Variants in PSMC4 observed in about 807,000 individuals in gnomAD.
PSMC4 encodes the protein 26S proteasome regulatory subunit 6B.
PSMC4 carries 13 observed loss-of-function variants against 48.4 expected under a neutral mutation model. The observed-to-expected ratio is 0.27, with a 90% CI of 0.18 to 0.43. PSMC4 has a LOEUF of 0.43. Among genes scored for constraint, PSMC4 ranks in the 20% least tolerant of loss-of-function variants. PSMC4 has a pLI of 1.00. For synonymous variants in PSMC4, 202 were observed against 212.3 expected (o/e 0.95, Z 0.42); for missense variants, 262 against 555.9 (o/e 0.47, Z 5.32).
At chr19:39,973,415 C>G (rs1475246576) in intron 3 of PSMC4, among the ~76,000 whole-genome samples, 1 of 152,006 alleles carries the variant, frequency 6.6e-6, no homozygotes, top group African/African-American at 2.4e-5. Flanking sequence ...AAAACCCCGT[C>G]TCTACTGAAA....
chr19:39,980,616 G>A lies in PSMC4; in HGVS notation c.1088-46G>A. 1.2e-6 allele frequency: 2 copies of A among 1,607,528 alleles called. No homozygotes were observed. Among genetic ancestry groups the A allele is most frequent in the Non-Finnish European group, 1.7e-6 (2 of 1,174,180 alleles). ...GGCCAAAGATGACTTCCAGCCCCAG[G>A]CATTTACCCCATCACACAGGGAATA... On this transcript the variant is annotated intron_variant, in intron 9 of 10. Transcript: ENST00000157812. This position sits in a 1 kb window ranked among gnomAD's most constrained non-coding sequence, Gnocchi z 4.8.
At chr19:39,972,679 C>A in intron 3 of PSMC4, 124 bp downstream of exon 3, 2 of 679,446 alleles carry the variant, frequency 2.9e-6, no homozygotes, top group Non-Finnish European at 4.7e-6. Flanking sequence ...TTTGACTGAT[C>A]GAAAGGTAGA....
Position 39,974,700 on chromosome 19 carries a change from T to C in PSMC4, c.580-35T>C, listed in dbSNP as rs1971170332. 1 of 1,610,724 alleles carries C rather than the reference T, an allele frequency of 6.2e-7. No homozygotes were observed. Among genetic ancestry groups the C allele is most frequent in the Admixed American group, 1.7e-5 (1 of 59,984 alleles). ...GGTCTGGGGTTGGAGGTGGAACCCC[T>C]GACTCCCACTTCTCTTCCTTCCTCT... On this transcript the variant is annotated intron_variant, in intron 5 of 10. Transcript: ENST00000157812. This position sits in a 1 kb window ranked among gnomAD's most constrained non-coding sequence, Gnocchi z 5.5.
chr19:39,981,384 T>C lies in PSMC4; in HGVS notation c.*79T>C, dbSNP rs1397129317. On this transcript the variant is annotated 3_prime_UTR_variant, in exon 11 of 11. Transcript: ENST00000157812. ...CCAGCACCTCTGTCCCAAAACCTCA[T>C]TCCCTTTTTTCTTTACCCAGGATTG... 2.1e-6 allele frequency: 2 copies of C among 962,346 alleles called. No individual in the cohort carries two copies. Among genetic ancestry groups the C allele is most frequent in the African/African-American group, 3.2e-5 (2 of 61,688 alleles). 59.6% of individuals were successfully genotyped at this position (962,346 alleles called of 1,614,324 possible).
At position 39,974,698 on chromosome 19, in the gene PSMC4, C is replaced by A. The variant is rs1568375128; in HGVS notation, c.580-37C>A. 1 of 1,612,804 alleles carries A rather than the reference C, an allele frequency of 6.2e-7. No homozygotes were observed. Among genetic ancestry groups the A allele is most frequent in the Non-Finnish European group, 8.5e-7 (1 of 1,178,894 alleles). On this transcript the variant is annotated intron_variant, in intron 5 of 10. Coordinates refer to ENST00000157812, the MANE Select transcript of PSMC4 (RefSeq NM_006503.4). This position sits in a 1 kb window ranked among gnomAD's most constrained non-coding sequence, Gnocchi z 5.5. ...TGGGTCTGGGGTTGGAGGTGGAACC[C>A]CTGACTCCCACTTCTCTTCCTTCCT...
rs761734495 is a variant in PSMC4, at chr19:39,972,217, C to T, written c.108C>T (p.Asp36=). 98 of 1,613,972 alleles carry T rather than the reference C, an allele frequency of 6.1e-5. No individual in the cohort carries two copies. Among genetic ancestry groups the T allele is most frequent in the Non-Finnish European group, 8.2e-5 (97 of 1,180,036 alleles). ...CCTTCCTGGGCCCTGAGCCTGAGGA[C>T]CTGGAGGACCTGTACAGCCGCTACA... ...GLSFLGPEPE[D]LEDLYSRYKK... is the part of the protein sequence containing the mutation. Residue 36 remains aspartate (D), a synonymous_variant, in exon 2 of 11, where the codon GAC becomes GAT. Transcript: ENST00000157812.
At position 39,980,011 on chromosome 19, in the gene PSMC4, G is replaced by A. The variant is rs759162059; in HGVS notation, c.841+27G>A. Reference sequence around the variant, plus strand: ...TAAGTGATGCTGAAACAAGGCCCGGGGTCTTGGACAGGCTTGTCGCATGGG... The same window carrying A: ...TAAGTGATGCTGAAACAAGGCCCGGAGTCTTGGACAGGCTTGTCGCATGGG... On this transcript the variant is annotated intron_variant, in intron 7 of 10. Coordinates refer to ENST00000157812, the MANE Select transcript of PSMC4 (RefSeq NM_006503.4). This position sits in a 1 kb window ranked among gnomAD's most constrained non-coding sequence, Gnocchi z 4.8. 1.2e-6 allele frequency: 2 copies of A among 1,613,840 alleles called. No homozygotes were observed. Among genetic ancestry groups the A allele is most frequent in the African/African-American group, 2.7e-5 (2 of 74,874 alleles).
At position 39,979,885 on chromosome 19, in the gene PSMC4, C is replaced by G; in HGVS notation, c.742C>G (p.Arg248Gly). 6.2e-7 allele frequency: 1 copy of G among 1,614,024 alleles called. No individual in the cohort carries two copies. The highest frequency in any genetic ancestry group is 8.5e-7 in the Non-Finnish European group (1 of 1,179,994). Residue 248 changes from arginine to glycine, a missense_variant, in exon 7 of 11, where the codon CGG becomes GGG. Arg to Gly is a moderately radical substitution (Grantham distance 125). This residue lies in a region of PSMC4 where 14 missense variants were observed against 86.0 expected (regional missense o/e 0.16). Transcript: ENST00000157812. The stretch of plus-strand genomic sequence containing the variant: ...TCTGGGTGAGGGCCCCCGCATGGTC[C>G]GGGATGTGTTCCGCCTGGCCAAGGA... ...KYLGEGPRMV[R>G]DVFRLAKENA...
At chr19:39,973,581 TAAA>T (rs11320252) in intron 3 of PSMC4, among the ~76,000 whole-genome samples, 30 of 96,952 alleles carry the variant, frequency 3.1e-4, no homozygotes, top group Admixed American at 8.1e-4. Context: ...ACACTCTGTC[TAAA>T]AAAAAAAAAA....
At chr19:39,978,013 C>T (rs58111301) in intron 6 of PSMC4, among the ~76,000 whole-genome samples, 3 of 152,048 alleles carry the variant, frequency 2.0e-5, no homozygotes, top group East Asian at 1.9e-4. Flanking sequence ...TCAGTAGAGA[C>T]AGGGTCTTGC....
At chr19:39,972,802 A>G (rs1971125084) in intron 3 of PSMC4, among the ~76,000 whole-genome samples, 1 of 151,598 alleles carries the variant, frequency 6.6e-6, no homozygotes, top group Non-Finnish European at 1.5e-5. Flanking sequence ...CTGGAGTGCA[A>G]TGGCATGATC....
Position 39,979,147 on chromosome 19 carries a change from G to C in PSMC4, c.674-670G>C, listed in dbSNP as rs558700524. Among the ~76,000 whole-genome samples the C allele has an allele frequency of 1.8e-4, 28 of 152,360 alleles. 1 individual carries two copies. In the South Asian group the frequency reaches 5.8e-3, roughly 32 times the overall value. On this transcript the variant is annotated intron_variant, in intron 6 of 10. Coordinates refer to ENST00000157812, the MANE Select transcript of PSMC4 (RefSeq NM_006503.4). ...CTTGGCGAGGCAGTATGATGTCTTA[G>C]TGTATGGGCAGCATGCCTGTTTTCT... is the stretch of plus-strand genomic sequence containing the variant.
chr19:39,974,300 A>G lies in PSMC4; in HGVS notation c.329A>G (p.Asn110Ser). 6.2e-7 allele frequency: 1 copy of G among 1,614,106 alleles called. No individual in the cohort carries two copies. The highest frequency in any genetic ancestry group is 1.1e-5 in the South Asian group (1 of 91,074). The change falls in exon 4 of 11, where the codon AAC becomes AGC. Residue 110 changes from asparagine to serine, a missense_variant. By Grantham distance (46) the Asn-to-Ser change is conservative. This residue lies in a region of PSMC4 where 131 missense variants were observed against 276.7 expected (regional missense o/e 0.47). Transcript: ENST00000157812. The surrounding 1 kb of genome is among the most constrained non-coding windows in gnomAD (Gnocchi z 5.5). ...TAIVGSTTGS[N>S]YYVRILSTID... The stretch of plus-strand genomic sequence containing the variant: ...CCTCTCTCCCTTCTCGCAGGCTCCA[A>G]CTATTATGTGCGCATCCTGAGCACC...
In PSMC4 at chr19:39,973,322, ACGTATAAT is replaced by A. The variant is rs149721867; in HGVS notation, c.322+769_322+776del. 6.4e-3 allele frequency among the ~76,000 whole-genome samples: 978 copies of A among 152,232 alleles called. 7 individuals carry two copies. Among genetic ancestry groups the A allele is most frequent in the African/African-American group, 0.021 (884 of 41,516 alleles). On this transcript the variant is annotated intron_variant, in intron 3 of 10. Coordinates refer to ENST00000157812, the MANE Select transcript of PSMC4 (RefSeq NM_006503.4). Reference sequence around the variant, plus strand: ...TCTGAGGCCAGGCATGGTGCCTCACACGTATAATCCCAGTACTTTGGGAGACTCAGGTG... The same window carrying A: ...TCTGAGGCCAGGCATGGTGCCTCACACCCAGTACTTTGGGAGACTCAGGTG...
chr19:39,974,461 T>C lies in PSMC4; in HGVS notation c.469+21T>C, dbSNP rs1392998963. ...CTCAGGTAAAGGGGGAGCCTGCAGC[T>C]GGGAGGGCCCCATGGGGACCTTGAG... On this transcript the variant is annotated intron_variant, in intron 4 of 10. Transcript: ENST00000157812. The surrounding 1 kb of genome is among the most constrained non-coding windows in gnomAD (Gnocchi z 5.5). 1 of 1,613,672 alleles carries C rather than the reference T, an allele frequency of 6.2e-7. No homozygotes were observed. The highest frequency in any genetic ancestry group is 1.7e-5 in the Admixed American group (1 of 60,004).
chr19:39,973,842 G>A (rs1971147461), intron 3 of PSMC4, among the ~76,000 whole-genome samples: 1 of 152,136 alleles, frequency 6.6e-6, no homozygotes, highest in Non-Finnish European at 1.5e-5. Context: ...AGGAGAGGGT[G>A]GTATCCAGGA....
In PSMC4 at chr19:39,975,057, A is replaced by G. The variant is rs112629251; in HGVS notation, c.673+229A>G. Among the ~76,000 whole-genome samples the G allele has an allele frequency of 3.0e-3, 453 of 152,338 alleles. 1 individual carries two copies. The highest frequency in any genetic ancestry group is 8.8e-3 in the African/African-American group (366 of 41,566). ...TAATGAAATAATGCAGTGTTTTCCT[A>G]CAATGGGTTGTGACCTATTAGTAAT... On this transcript the variant is annotated intron_variant, in intron 6 of 10. Coordinates refer to ENST00000157812, the MANE Select transcript of PSMC4 (RefSeq NM_006503.4).
At chr19:39,975,876 A>G (rs1398879632) in intron 6 of PSMC4, among the ~76,000 whole-genome samples, 1 of 152,110 alleles carries the variant, frequency 6.6e-6, no homozygotes. Context: ...GACTGGGAAA[A>G]AAGAAAAAGA....
At chr19:39,971,868 C>T (rs1321507566) in intron 1 of PSMC4, among the ~76,000 whole-genome samples, 3 of 151,860 alleles carry the variant, frequency 2.0e-5, no homozygotes, top group Non-Finnish European at 4.4e-5. Context: ...GTTGATGTGA[C>T]GTTTAGATCC....
Sources: allele counts gnomAD v4.1 joint callset (sites outside exome capture counted in the v4.1 genomes callset), GRCh38; gene constraint gnomAD v4.1.1; regional missense constraint gnomAD v4.1.1; non-coding constraint Gnocchi (gnomAD v3.1); transcripts MANE v1.5; gene names NCBI Gene and HGNC (gene_info 2026-07-23, HGNC 2026-07-21).